Variants in C1QTNF3 observed in about 807,000 individuals in gnomAD.
The protein encoded by C1QTNF3 is C1q and TNF related 3.
A neutral mutation model predicts 32.6 loss-of-function variants in C1QTNF3; 26 were observed. The observed-to-expected ratio is 0.80, with a 90% CI of 0.58 to 1.11. The LOEUF (loss-of-function observed/expected upper bound fraction) is 1.11. C1QTNF3 is among the 50% of genes least tolerant of loss of function. The pLI is 0.00. For synonymous variants in C1QTNF3, 155 were observed against 146.0 expected (o/e 1.06, Z -0.44); for missense variants, 362 against 398.2 (o/e 0.91, Z 0.77).
At chr5:34,181,756 C>A in the C1QTNF3 span, among the ~76,000 whole-genome samples, 309 of 147,536 alleles carry the variant, frequency 2.1e-3, no homozygotes, top group African/African-American at 7.2e-3. Context: ...AGCCTGAGCC[C>A]CATCTGGCCT....
chr5:34,166,022 G>A, the C1QTNF3 span: 1 of 146,966 alleles, frequency 6.8e-6, no homozygotes, highest in East Asian at 2.0e-4. Context: ...CTATGATACT[G>A]CCACTCTGAA....
At chr5:34,174,934 A>C in the C1QTNF3 span, among the ~76,000 whole-genome samples, 2 of 151,032 alleles carry the variant, frequency 1.3e-5, no homozygotes, top group African/African-American at 4.9e-5. Flanking sequence ...TATTTTCAGT[A>C]GAGACAGGGT....
At chr5:34,187,330 G>A in the C1QTNF3 span, among the ~76,000 whole-genome samples, 1,082 of 151,134 alleles carry the variant, frequency 7.2e-3, no homozygotes, top group African/African-American at 0.026. Flanking sequence ...TACCAGTAGA[G>A]TGGGCTGCTG....
chr5:34,034,163 T>A lies in C1QTNF3; in HGVS notation c.416-705A>T, dbSNP rs556790913. Among the ~76,000 whole-genome samples, 27 of 152,358 alleles carry A rather than the reference T, an allele frequency of 1.8e-4. 1 individual carries two copies. In the Middle Eastern group the frequency reaches 0.014, roughly 77 times the overall value. The stretch of plus-strand genomic sequence containing the variant: ...GCCTGGACAAAAGAGCCAGACTTTG[T>A]TTCAGGCAAAAGAAAGTTATGAGTA... On this transcript the variant is annotated intron_variant, in intron 2 of 5. Coordinates refer to ENST00000382065, the MANE Select transcript of C1QTNF3 (RefSeq NM_181435.6).
the C1QTNF3 span, among the ~76,000 whole-genome samples, chr5:34,179,906 G>C: frequency 1.1e-4 from 16 of 152,052 alleles, no homozygotes; most frequent in African/African-American, 3.6e-4. Context: ...CTGGGCAGTA[G>C]GAGTGGAGAT....
At chr5:34,114,862 A>G in the C1QTNF3 span, among the ~76,000 whole-genome samples, 1 of 152,170 alleles carries the variant, frequency 6.6e-6, no homozygotes, top group Non-Finnish European at 1.5e-5. Flanking sequence ...AATATCCAGT[A>G]TAGAATATTT....
chr5:34,024,625 A>G (rs943569211), intron 4 of C1QTNF3, among the ~76,000 whole-genome samples: 1 of 152,234 alleles, frequency 6.6e-6, no homozygotes, highest in African/African-American at 2.4e-5. Context: ...CCTTGTCACT[A>G]AAAGTCTGTA....
intron 1 of C1QTNF3, among the ~76,000 whole-genome samples, chr5:34,036,346 CATTT>C (rs772425657): frequency 6.6e-6 from 1 of 152,090 alleles, no homozygotes; most frequent in Non-Finnish European, 1.5e-5. Flanking sequence ...TAGTCCAATA[CATTT>C]ATTTACTTAT....
chr5:34,108,462 AC>A, the C1QTNF3 span, among the ~76,000 whole-genome samples: 10 of 152,142 alleles, frequency 6.6e-5, no homozygotes, highest in Admixed American at 6.6e-4. Flanking sequence ...TTCTTAAACA[AC>A]CTTCTATCTT....
the C1QTNF3 span, among the ~76,000 whole-genome samples, chr5:34,082,644 T>C: frequency 6.6e-6 from 1 of 151,742 alleles, no homozygotes; most frequent in Admixed American, 6.6e-5. Context: ...TCAAGTACTG[T>C]AGATTTCAGG....
At chr5:34,123,567 A>G in the C1QTNF3 span, among the ~76,000 whole-genome samples, 2 of 151,186 alleles carry the variant, frequency 1.3e-5, no homozygotes, top group East Asian at 3.9e-4. Flanking sequence ...TATTCTCTTC[A>G]TGTTGTCAAT....
the C1QTNF3 span, among the ~76,000 whole-genome samples, chr5:34,143,900 C>T: frequency 1.3e-5 from 2 of 152,104 alleles, no homozygotes; most frequent in South Asian, 4.1e-4. Flanking sequence ...CAGCTAACAA[C>T]ATGATGAAAG....
intron 1 of C1QTNF3, among the ~76,000 whole-genome samples, chr5:34,036,379 TTATA>T (rs967061368): frequency 6.6e-6 from 1 of 152,126 alleles, no homozygotes; most frequent in Non-Finnish European, 1.5e-5. Context: ...CAACTAGAAA[TTATA>T]TATATATTTA....
chr5:34,163,295 C>T, the C1QTNF3 span, among the ~76,000 whole-genome samples: 1 of 151,982 alleles, frequency 6.6e-6, no homozygotes, highest in African/African-American at 2.4e-5. Flanking sequence ...ATGTGTTTAT[C>T]TATATAACAA....
At chr5:34,213,786 C>CAT in the C1QTNF3 span, among the ~76,000 whole-genome samples, 50 of 15,456 alleles carry the variant, frequency 3.2e-3, 7 homozygotes, top group African/African-American at 9.1e-3. Flanking sequence ...TGTATATATA[C>CAT]ATATATATAT....
At chr5:34,226,677 A>G in the C1QTNF3 span, among the ~76,000 whole-genome samples, 1 of 151,886 alleles carries the variant, frequency 6.6e-6, no homozygotes, top group South Asian at 2.1e-4. Context: ...AGCACAGTCA[A>G]AAATTCACAT....
chr5:34,024,040 A>G lies in C1QTNF3; in HGVS notation c.701-32T>C, dbSNP rs758485153. 22 of 1,565,154 alleles carry G rather than the reference A, an allele frequency of 1.4e-5. No individual in the cohort carries two copies. In the South Asian group the frequency reaches 2.3e-4, roughly 17 times the overall value. On this transcript the variant is annotated intron_variant, in intron 4 of 5. Transcript: ENST00000382065. ...AAAGCAGGTATATATCCATGTTGAT[A>G]TTAACATGTTATACATTGAGGACCT...
chr5:34,073,244 G>C, the C1QTNF3 span, among the ~76,000 whole-genome samples: 1 of 151,652 alleles, frequency 6.6e-6, no homozygotes, highest in Non-Finnish European at 1.5e-5. Context: ...GGAGAATGGC[G>C]TGAACCTGGG....
chr5:34,146,021 C>T, the C1QTNF3 span, among the ~76,000 whole-genome samples: 4 of 152,232 alleles, frequency 2.6e-5, no homozygotes, highest in South Asian at 4.1e-4. Context: ...ATAATAAAAG[C>T]CATCTATGGT....
Sources: gnomAD v4.1 joint callset for allele counts (sites outside exome capture counted in the v4.1 genomes callset) on GRCh38, gnomAD v4.1.1 for gene constraint, MANE v1.5 for transcripts, NCBI Gene and HGNC (gene_info 2026-07-23, HGNC 2026-07-21) for gene names.